BPIFB4: variants seen among roughly 807,000 people sequenced by gnomAD.
BPIFB4 encodes BPI fold containing family B member 4, also known as BPI fold-containing family B member 4.
In BPIFB4, 62 loss-of-function variants were observed where a neutral mutation model predicts 69.2. The observed-to-expected ratio is 0.90, with a 90% CI of 0.73 to 1.11. The LOEUF (loss-of-function observed/expected upper bound fraction) is 1.11, where lower values mean the gene tolerates loss of function less well. BPIFB4 is among the 50% of genes least tolerant of loss of function. BPIFB4 has a pLI of 0.00. For synonymous variants in BPIFB4, 330 were observed against 332.7 expected, an observed-to-expected ratio of 0.99 and a Z score of 0.09; for missense variants, 789 against 792.0, an observed-to-expected ratio of 1.00 and a Z score of 0.04.
At chr20:33,095,247 G>C (rs1477961551) in intron 12 of BPIFB4, 94 bp downstream of exon 12, 9 of 1,355,314 alleles carry the variant, frequency 6.6e-6, no homozygotes, top group Non-Finnish European at 7.4e-6. Flanking sequence ...GCGCTGGGGT[G>C]GGGTGCTCTC....
chr20:33,083,715 G>T lies in BPIFB4; in HGVS notation c.518G>T (p.Gly173Val). 6.2e-7 allele frequency: 1 copy of T among 1,614,020 alleles called. No homozygotes were observed. The change falls in exon 5 of 18, where the codon GGC (glycine) becomes GTC (valine). Residue 173 changes from glycine to valine, a missense_variant. This residue lies in a region of BPIFB4 where 611 missense variants were observed against 575.4 expected (regional missense o/e 1.06). Coordinates refer to ENST00000375483, the MANE Select transcript of BPIFB4 (RefSeq NM_182519.3). ...TGAVGPGGLL[G>V]TGGMLAADGI... Reference sequence around the variant, plus strand: ...GCGGTGGGCCCAGGTGGTTTGCTGGGCACTGGAGGCATGCTGGCAGCTGAT... The same window carrying T: ...GCGGTGGGCCCAGGTGGTTTGCTGGTCACTGGAGGCATGCTGGCAGCTGAT...
chr20:33,104,591 G>A (rs1357848460), intron 15 of BPIFB4: 6 of 511,116 alleles, frequency 1.2e-5, no homozygotes, highest in Non-Finnish European at 2.1e-5. Context: ...ACCCATGCTG[G>A]GCCTCAGTCT....
At chr20:33,091,407 G>A (rs1981596029) in intron 10 of BPIFB4, among the ~76,000 whole-genome samples, 1 of 152,234 alleles carries the variant, frequency 6.6e-6, no homozygotes, top group South Asian at 2.1e-4. Context: ...CATGTGAGGT[G>A]GTATGAGCTG....
intron 16 of BPIFB4, 126 bp downstream of exon 16, chr20:33,104,999 G>T: frequency 1.1e-6 from 1 of 939,186 alleles, no homozygotes; most frequent in Non-Finnish European, 1.5e-6. Context: ...TTCCTTTGAA[G>T]CGTGTCGATG....
chr20:33,080,698 G>C (rs1196739511), intron 2 of BPIFB4, 122 bp downstream of exon 2: 1 of 152,464 alleles, frequency 6.6e-6, no homozygotes, highest in Non-Finnish European at 1.5e-5. Flanking sequence ...TGGTGAGCTG[G>C]ATGTGTGGAA....
At chr20:33,104,062 C>G (rs1981977602) in intron 15 of BPIFB4, among the ~76,000 whole-genome samples, 1 of 152,106 alleles carries the variant, frequency 6.6e-6, no homozygotes, top group African/African-American at 2.4e-5. Flanking sequence ...AAGGTAAGCT[C>G]AAGTGACTTG....
At chr20:33,090,120 A>G (rs1304429561) in intron 9 of BPIFB4, among the ~76,000 whole-genome samples, 3 of 152,172 alleles carry the variant, frequency 2.0e-5, no homozygotes, top group Admixed American at 6.5e-5. Context: ...CTCCTTTCAC[A>G]TGGATTACAG....
chr20:33,105,915 G>A (rs1480539240), intron 16 of BPIFB4, among the ~76,000 whole-genome samples: 2 of 152,132 alleles, frequency 1.3e-5, no homozygotes, highest in African/African-American at 2.4e-5. Flanking sequence ...TCATACTGAA[G>A]TGCAATTCAC....
chr20:33,107,854 T>C (rs573012687), intron 17 of BPIFB4, 34 bp downstream of exon 17: 8 of 1,574,598 alleles, frequency 5.1e-6, no homozygotes, highest in African/African-American at 4.0e-5. Context: ...CTGCTTTTCC[T>C]CCCTGCCCTT....
At chr20:33,107,614 C>A in intron 16 of BPIFB4, 130 bp from the exon 17 acceptor site, 1 of 652,680 alleles carries the variant, frequency 1.5e-6, no homozygotes, top group Middle Eastern at 2.6e-4. Flanking sequence ...CCAGCCTGGG[C>A]AACAGAGCGA....
At chr20:33,108,429 A>ATATATATATATATATATATATATATATC (rs1982137939) in intron 17 of BPIFB4, among the ~76,000 whole-genome samples, 1 of 148,416 alleles carries the variant, frequency 6.7e-6, no homozygotes, top group Admixed American at 6.7e-5. Context: ...ATGTCTATAT[A>ATATATATATATATATATATATATATATC]TATATATAGA....
In BPIFB4 at chr20:33,092,581, T is replaced by A. The variant is rs778602410; in HGVS notation, c.1267T>A (p.Ser423Thr). The A allele has an allele frequency of 1.9e-6, 3 of 1,613,902 alleles. No individual in the cohort carries two copies. Among genetic ancestry groups the A allele is most frequent in the Non-Finnish European group, 2.5e-6 (3 of 1,180,044 alleles). Reference protein sequence around the residue: ...GDNTKSQLAMSANFLGSVLTL... With the variant: ...GDNTKSQLAMTANFLGSVLTL... Reference sequence around the variant, plus strand: ...CAACACCAAGTCCCAGCTGGCCATGTCTGCCAACTTCCTGGGCTCAGTGCT... The same window carrying A: ...CAACACCAAGTCCCAGCTGGCCATGACTGCCAACTTCCTGGGCTCAGTGCT... Residue 423 changes from serine to threonine, a missense_variant, in exon 11 of 18, where the codon TCT (serine) becomes ACT (threonine). Around this residue, in one of 3 missense-constraint regions of BPIFB4, gnomAD observed 611 missense variants for 575.4 expected, o/e 1.06. Coordinates refer to ENST00000375483, the MANE Select transcript of BPIFB4 (RefSeq NM_182519.3).
intron 17 of BPIFB4, among the ~76,000 whole-genome samples, chr20:33,110,674 G>A (rs1465158146): frequency 2.0e-5 from 3 of 151,716 alleles, no homozygotes; most frequent in Admixed American, 6.6e-5. Context: ...GAATTCTACC[G>A]AGGAAGAGCT....
At chr20:33,104,912 C>CT in intron 16 of BPIFB4, 39 bp downstream of exon 16, 1 of 1,597,488 alleles carries the variant, frequency 6.3e-7, no homozygotes, top group Non-Finnish European at 8.6e-7. Context: ...GAGCTTGTGG[C>CT]TTGGGTACTG....
At chr20:33,089,141 G>A (rs1981522594) in intron 8 of BPIFB4, 112 bp downstream of exon 8, 2 of 1,529,682 alleles carry the variant, frequency 1.3e-6, no homozygotes, top group Admixed American at 1.8e-5. Context: ...GGGACAGAGA[G>A]AGCCAAGGCC....
intron 3 of BPIFB4, 133 bp from the exon 4 acceptor site, chr20:33,082,805 C>T: frequency 1.2e-6 from 1 of 849,080 alleles, no homozygotes; most frequent in Non-Finnish European, 2.0e-6. Flanking sequence ...AGAAGTCATC[C>T]CGTTCAGCCT....
intron 10 of BPIFB4, 112 bp downstream of exon 10, chr20:33,090,911 G>A: frequency 1.6e-6 from 2 of 1,289,108 alleles, no homozygotes; most frequent in Non-Finnish European, 2.1e-6. Flanking sequence ...ACACTTGACA[G>A]GACCCTCTCG....
At position 33,097,739 on chromosome 20, in the gene BPIFB4, G is replaced by T. The variant is rs761661431; in HGVS notation, c.1521G>T (p.Met507Ile). The change falls in exon 13 of 18, where the codon ATG becomes ATT. Residue 507 changes from methionine (M) to isoleucine (I), a missense_variant. By Grantham distance (10) the Met-to-Ile change is conservative. Coordinates refer to ENST00000375483, the MANE Select transcript of BPIFB4 (RefSeq NM_182519.3). ...LVKVLATAEV[M>I]VSQPKDLETT... is the part of the protein sequence containing the mutation. ...AGGTGTTGGCCACTGCCGAGGTCAT[G>T]GTCTCCCAGCCCAAAGACCTGGAGA... The T allele has an allele frequency of 6.2e-7, 1 of 1,614,132 alleles. No individual in the cohort carries two copies. Among genetic ancestry groups the T allele is most frequent in the South Asian group, 1.1e-5 (1 of 91,078 alleles).
Position 33,107,811 on chromosome 20 carries a change from C to T in BPIFB4, c.1812C>T (p.Asp604=), listed in dbSNP as rs1299101157. The T allele has an allele frequency of 5.0e-6, 8 of 1,613,776 alleles. No individual in the cohort carries two copies. The highest frequency in any genetic ancestry group is 2.2e-5 in the South Asian group (2 of 91,076). ...LNIDFSNADI[D]VLEDLLVLSA is the part of the protein sequence containing the mutation. ...TCGACTTTAGCAATGCAGACATTGA[C>T]GTGTTGGAGGTAAGAGGAGATCGAG... Residue 604 remains aspartate, a synonymous_variant, in exon 17 of 18, where the codon GAC becomes GAT. Transcript: ENST00000375483.
Sources: allele counts gnomAD v4.1 joint callset (sites outside exome capture counted in the v4.1 genomes callset), GRCh38; gene constraint gnomAD v4.1.1; regional missense constraint gnomAD v4.1.1; transcripts MANE v1.5; gene names NCBI Gene and HGNC (gene_info 2026-07-23, HGNC 2026-07-21).